The following FAM170A variants were observed in gnomAD, a reference collection of about 807,000 sequenced individuals.
The protein encoded by FAM170A is protein FAM170A.
In FAM170A, 28 loss-of-function variants were observed where a neutral mutation model predicts 36.6. That is an observed-to-expected ratio of 0.76 (90% CI 0.57 to 1.05). The LOEUF is 1.05. FAM170A is among the 50% of genes least tolerant of loss of function. FAM170A has a pLI of 0.00. For missense variants in FAM170A, 434 were observed against 396.5 expected (o/e 1.09, Z -0.80); for synonymous variants, 156 against 143.9 (o/e 1.08, Z -0.60).
chr5:119,630,618 G>A (rs1199664301), intron 1 of FAM170A, among the ~76,000 whole-genome samples: 2 of 152,168 alleles, frequency 1.3e-5, no homozygotes, highest in Non-Finnish European at 2.9e-5. Context: ...GATGCCACTG[G>A]CACACAGAAA....
chr5:119,633,806 A>G (rs1162466196), intron 2 of FAM170A, among the ~76,000 whole-genome samples, 154 bp from the exon 3 acceptor site: 1 of 152,116 alleles, frequency 6.6e-6, no homozygotes, highest in Non-Finnish European at 1.5e-5. Flanking sequence ...CACTAGAATC[A>G]CTACCCCACA....
exon 3 of FAM170A, chr5:119,634,473 CCCT>C: frequency 1.9e-6 from 3 of 1,614,240 alleles, no homozygotes; most frequent in Non-Finnish European, 2.5e-6. Context: ...ACCATGGAAG[CCCT>C]CCAGGAGCAT....
intron 1 of FAM170A, among the ~76,000 whole-genome samples, chr5:119,630,855 C>T (rs918181470): frequency 2.0e-5 from 3 of 152,174 alleles, no homozygotes; most frequent in Non-Finnish European, 4.4e-5. Flanking sequence ...TTAGCAGAAA[C>T]GAGAGTAGCC....
chr5:119,632,858 G>C, exon 2 of FAM170A: 2 of 1,611,356 alleles, frequency 1.2e-6, no homozygotes, highest in Non-Finnish European at 1.7e-6. Context: ...CTGCTCCTGC[G>C]TTTCTTCTTC....
chr5:119,634,916 C>T (rs890179994), intron 3 of FAM170A, 112 bp from the exon 4 acceptor site: 18 of 1,412,178 alleles, frequency 1.3e-5, no homozygotes, highest in Admixed American at 9.0e-5. Context: ...AATAAAGTCT[C>T]GATTGTAAGT....
chr5:119,633,289 G>A (rs13173627), intron 2 of FAM170A, among the ~76,000 whole-genome samples: 1 of 152,126 alleles, frequency 6.6e-6, no homozygotes, highest in Non-Finnish European at 1.5e-5. Context: ...GAGCTCTGCA[G>A]AGGTGTCTGG....
rs765339081 is a variant in FAM170A at position 119,635,041 on chromosome 5, T to C, written c.*7T>C. On this transcript the variant is annotated 3_prime_UTR_variant, in exon 4 of 5. Coordinates refer to ENST00000613773, the Ensembl canonical transcript of FAM170A. ...ATTTTCACACAGCAGCTGAGACTTA[T>C]GGGCCAGAAGATACTGGAAGATGGT... 12 of 1,614,146 alleles carry C rather than the reference T, an allele frequency of 7.4e-6. No individual in the cohort carries two copies. The South Asian group carries it at 7.7e-5, about 10-fold the overall frequency.
At position 119,632,916 on chromosome 5, in the gene FAM170A, T is replaced by A. The variant is rs770704358; in HGVS notation, c.211+28T>A. The A allele has an allele frequency of 5.2e-6, 8 of 1,548,940 alleles. No homozygotes were observed. In the East Asian group the frequency reaches 1.8e-4, roughly 35 times the overall value. On this transcript the variant is annotated intron_variant, in intron 2 of 4. Coordinates refer to ENST00000613773, the Ensembl canonical transcript of FAM170A. ...AAGGGTGCAGGGTTCCTTCGGCACGTGGCTCCTTGGCTGTGGGGTTCATTG... is the reference window on the plus strand; with the variant it reads ...AAGGGTGCAGGGTTCCTTCGGCACGAGGCTCCTTGGCTGTGGGGTTCATTG...
intron 2 of FAM170A, 78 bp from the exon 3 acceptor site, chr5:119,633,882 C>G (rs1367272964): frequency 6.5e-7 from 1 of 1,531,322 alleles, no homozygotes; most frequent in African/African-American, 1.4e-5. Context: ...TCTCCTGCAC[C>G]ACACATATTT....
At chr5:119,632,938 A>C (rs769299047) in intron 2 of FAM170A, 50 bp downstream of exon 2, 3 of 1,514,244 alleles carry the variant, frequency 2.0e-6, no homozygotes, top group Non-Finnish European at 2.7e-6. Flanking sequence ...TGTGGGGTTC[A>C]TTGGGCATGA....
chr5:119,634,808 A>C lies in FAM170A; in HGVS notation c.986+74A>C, dbSNP rs1215498141. On this transcript the variant is annotated intron_variant, in intron 3 of 4. Coordinates refer to ENST00000613773, the Ensembl canonical transcript of FAM170A. Reference sequence around the variant, plus strand: ...CGAGCCAGTACTGTCTCCCCAGTTCAGGCTTAGGTCTCTGTAAGGAAGATT... The same window carrying C: ...CGAGCCAGTACTGTCTCCCCAGTTCCGGCTTAGGTCTCTGTAAGGAAGATT... The C allele has an allele frequency of 4.9e-6, 7 of 1,437,622 alleles. No homozygotes were observed. In the Admixed American group the frequency reaches 1.6e-4, roughly 32 times the overall value. 89.1% of individuals were successfully genotyped at this position (1,437,622 alleles called of 1,614,324 possible).
intron 1 of FAM170A, among the ~76,000 whole-genome samples, chr5:119,631,246 T>C (rs1392655198): frequency 1.3e-5 from 2 of 152,196 alleles, no homozygotes; most frequent in Non-Finnish European, 2.9e-5. Flanking sequence ...GCAGCGCCTA[T>C]GAGGCATAAA....
Position 119,631,120 on chromosome 5 carries a change from A to G in FAM170A, c.70+1282A>G, listed in dbSNP as rs149550791. On this transcript the variant is annotated intron_variant, in intron 1 of 4. Coordinates refer to ENST00000613773, the Ensembl canonical transcript of FAM170A. ...CCCAGGCTGCATGATAATGGCATGT[A>G]TTAAATGTAAACAAGCCACTTATCC... 8.9e-4 allele frequency among the ~76,000 whole-genome samples: 135 copies of G among 152,326 alleles called. 1 individual carries two copies. In the East Asian group the frequency reaches 0.02, roughly 23 times the overall value.
At position 119,634,373 on chromosome 5, in the gene FAM170A, G is replaced by A. The variant is rs369994686; in HGVS notation, c.625G>A (p.Val209Ile). ...AGACAGCCTGCCAGGCTCACCCACC[G>A]TTGAGGACACACCCAGAGCCAAGAC... The change falls in exon 3 of 5, where the codon GTT becomes ATT. Residue 209 changes from valine (V) to isoleucine (I), a missense_variant. Coordinates refer to ENST00000613773, the Ensembl canonical transcript of FAM170A. 5.2e-5 allele frequency: 84 copies of A among 1,614,234 alleles called. No homozygotes were observed. The highest frequency in any genetic ancestry group is 3.3e-4 in the African/African-American group (25 of 75,056).
chr5:119,633,937 A>G, intron 2 of FAM170A, 23 bp from the exon 3 acceptor site: 2 of 1,597,266 alleles, frequency 1.3e-6, no homozygotes, highest in Non-Finnish European at 1.7e-6. Flanking sequence ...GCATCTGCTC[A>G]TGTTTCTAAT....
At chr5:119,633,938 T>C (rs1485424600) in intron 2 of FAM170A, 22 bp from the exon 3 acceptor site, 33 of 1,597,514 alleles carry the variant, frequency 2.1e-5, no homozygotes, top group Non-Finnish European at 2.6e-5. Context: ...CATCTGCTCA[T>C]GTTTCTAATT....
At chr5:119,632,606 C>G (rs1756276951) in intron 1 of FAM170A, 142 bp from the exon 2 acceptor site, 1 of 662,040 alleles carries the variant, frequency 1.5e-6, no homozygotes. Flanking sequence ...ACTGGAGTAT[C>G]CACCAGAAGC....
chr5:119,634,797 C>G, intron 3 of FAM170A, 63 bp downstream of exon 3: 1 of 1,466,380 alleles, frequency 6.8e-7, no homozygotes, highest in Non-Finnish European at 9.2e-7. Context: ...CCAGTACTGT[C>G]TCCCCAGTTC....
chr5:119,633,850 C>A, intron 2 of FAM170A, 110 bp from the exon 3 acceptor site: 1 of 1,367,210 alleles, frequency 7.3e-7, no homozygotes, highest in Non-Finnish European at 1.0e-6. Flanking sequence ...CACTACACAG[C>A]TGCATCTCAC....
Sources: allele counts gnomAD v4.1 joint callset (sites outside exome capture counted in the v4.1 genomes callset), GRCh38; gene constraint gnomAD v4.1.1; transcripts MANE v1.5; gene names NCBI Gene and HGNC (gene_info 2026-07-23, HGNC 2026-07-21).